Variants in GLYATL1 observed in about 807,000 individuals in gnomAD.
The protein encoded by GLYATL1 is glycine-N-acyltransferase like 1.
A neutral mutation model predicts 20.0 loss-of-function variants in GLYATL1; 15 were observed. The ratio of observed to expected loss-of-function variants is 0.75; its 90% CI spans 0.50 to 1.15. GLYATL1 has a LOEUF of 1.15. GLYATL1 is among the 50% of genes most tolerant of loss of function. The pLI, the probability that GLYATL1 is intolerant of heterozygous loss-of-function variation, is 0.00. For synonymous variants in GLYATL1, 151 were observed against 131.5 expected, an observed-to-expected ratio of 1.15 and a Z score of -1.01; for missense variants, 380 against 368.5, an observed-to-expected ratio of 1.03 and a Z score of -0.26.
intron 4 of GLYATL1, among the ~76,000 whole-genome samples, chr11:58,948,534 G>A (rs1856748123): frequency 6.6e-6 from 1 of 152,126 alleles, no homozygotes; most frequent in Non-Finnish European, 1.5e-5. Flanking sequence ...TAGCTACTCA[G>A]GAGGCTGAGG....
At chr11:58,927,049 G>C (rs1178907810), upstream of GLYATL1, among the ~76,000 whole-genome samples, 2 of 152,188 alleles carry the variant, frequency 1.3e-5, no homozygotes, top group Non-Finnish European at 2.9e-5. Flanking sequence ...TTCACCTTTT[G>C]AGAAGGGCAC....
downstream of GLYATL1, among the ~76,000 whole-genome samples, chr11:58,911,065 A>G (rs1352685283): frequency 6.6e-6 from 1 of 152,218 alleles, no homozygotes; most frequent in Non-Finnish European, 1.5e-5. Flanking sequence ...ATGTAAATGG[A>G]ACATAGACTG....
At chr11:58,909,396 A>G (rs578145479), downstream of GLYATL1, among the ~76,000 whole-genome samples, 1 of 152,332 alleles carries the variant, frequency 6.6e-6, no homozygotes, top group African/African-American at 2.4e-5. Flanking sequence ...TGTTCTTATT[A>G]CAAAAGTAAT....
chr11:58,955,261 G>T lies in GLYATL1; in HGVS notation c.399G>T (p.Leu133Phe), dbSNP rs144483137. The change falls in exon 6 of 7, where the codon TTG becomes TTT. Residue 133 changes from leucine (L) to phenylalanine (F), a missense_variant. Transcript: ENST00000532726. The stretch of plus-strand genomic sequence containing the variant: ...TAGAGCATTCGAGAGCACTCCTCTT[G>T]GTTACGGAAGATATTCTGAAGCTCA... ...VKVEHSRALL[L>F]VTEDILKLNA... 141 of 1,614,090 alleles carry T rather than the reference G, an allele frequency of 8.7e-5. No homozygotes were observed. The highest frequency in any genetic ancestry group is 3.2e-4 in the African/African-American group (24 of 75,038).
At chr11:58,937,272 G>A (rs1212387427), upstream of GLYATL1, among the ~76,000 whole-genome samples, 1 of 152,184 alleles carries the variant, frequency 6.6e-6, no homozygotes, top group African/African-American at 2.4e-5. Flanking sequence ...AATCACCAAA[G>A]CTCCTGAATT....
At chr11:58,947,292 G>C in intron 3 of GLYATL1, 127 bp downstream of exon 3, 1 of 1,291,998 alleles carries the variant, frequency 7.7e-7, no homozygotes, top group Admixed American at 2.8e-5. Context: ...GGATGGGACT[G>C]GGGGCACAGG....
At chr11:58,925,649 C>T (rs551785488), upstream of GLYATL1, among the ~76,000 whole-genome samples, 1 of 152,012 alleles carries the variant, frequency 6.6e-6, no homozygotes, top group Non-Finnish European at 1.5e-5. Flanking sequence ...TTATTTGGAC[C>T]ACACCATTTA....
At chr11:58,919,911 G>A (rs1033989059) in intron 1 of GLYATL1, among the ~76,000 whole-genome samples, 2 of 152,084 alleles carry the variant, frequency 1.3e-5, no homozygotes, top group African/African-American at 4.8e-5. Flanking sequence ...TCACAAACCT[G>A]GGGGCCACCA....
At chr11:58,925,652 A>T (rs1855410097), upstream of GLYATL1, among the ~76,000 whole-genome samples, 1 of 152,144 alleles carries the variant, frequency 6.6e-6, no homozygotes, top group African/African-American at 2.4e-5. Context: ...TTTGGACCAC[A>T]CCATTTATTA....
downstream of GLYATL1, among the ~76,000 whole-genome samples, chr11:58,909,341 A>T (rs1854984271): frequency 6.6e-6 from 1 of 152,144 alleles, no homozygotes; most frequent in Admixed American, 6.5e-5. Flanking sequence ...AGTTAACAAT[A>T]TTGTATACTT....
chr11:58,907,248 G>A (rs1184797665), exon 2 of GLYATL1: 6 of 456,234 alleles, frequency 1.3e-5, no homozygotes, highest in South Asian at 3.1e-5. Context: ...CAGGTCACCC[G>A]CCAGGTTTGT....
At chr11:58,920,462 C>A (rs1320739152) in intron 1 of GLYATL1, among the ~76,000 whole-genome samples, 3 of 152,174 alleles carry the variant, frequency 2.0e-5, no homozygotes, top group Non-Finnish European at 4.4e-5. Context: ...ACTACTGAGT[C>A]CAAAGTCACC....
rs538296899 is a variant in GLYATL1, at chr11:58,943,882, T to C, written c.-43+216T>C. Reference sequence around the variant, plus strand: ...GAAAGGAACTGGTAGTAAGCAGTAATGTTGCAGGAGTTATAAAATTTGGCT... The same window carrying C: ...GAAAGGAACTGGTAGTAAGCAGTAACGTTGCAGGAGTTATAAAATTTGGCT... On this transcript the variant is annotated intron_variant, in intron 2 of 6. Coordinates refer to ENST00000532726, the MANE Select transcript of GLYATL1 (RefSeq NM_001389712.2). 3.3e-5 allele frequency among the ~76,000 whole-genome samples: 5 copies of C among 152,272 alleles called. No homozygotes were observed. In the East Asian group the frequency reaches 9.6e-4, roughly 29 times the overall value.
chr11:58,922,154 A>G (rs78607162), intron 1 of GLYATL1, among the ~76,000 whole-genome samples: 6,254 of 152,288 alleles, frequency 0.041, 407 homozygotes, highest in African/African-American at 0.14. Context: ...ATGCCTGGGC[A>G]TCAACTGTGC....
At chr11:58,943,392 CT>C in intron 1 of GLYATL1, 150 bp from the exon 2 acceptor site, 1 of 1,535,044 alleles carries the variant, frequency 6.5e-7, no homozygotes, top group Non-Finnish European at 8.8e-7. Context: ...ATCACTTTAC[CT>C]TTTTTGTCTA....
chr11:58,945,025 AAT>A (rs1379912611), intron 2 of GLYATL1, among the ~76,000 whole-genome samples: 1 of 105,374 alleles, frequency 9.5e-6, no homozygotes, highest in Non-Finnish European at 1.9e-5. Context: ...ACATATATAA[AAT>A]ATATATATTA....
chr11:58,913,809 T>G (rs759923301), intron 1 of GLYATL1, among the ~76,000 whole-genome samples: 3 of 152,076 alleles, frequency 2.0e-5, no homozygotes, highest in Non-Finnish European at 4.4e-5. Context: ...TAGATGGAAA[T>G]ATATTGAGGA....
intron 1 of GLYATL1, among the ~76,000 whole-genome samples, chr11:58,913,712 A>T (rs909266322): frequency 2.6e-5 from 4 of 152,214 alleles, no homozygotes; most frequent in African/African-American, 4.8e-5. Flanking sequence ...GGAAAAGAGA[A>T]TGGAGGAGGC....
chr11:58,944,465 A>G (rs926849940), intron 2 of GLYATL1, among the ~76,000 whole-genome samples: 1 of 152,194 alleles, frequency 6.6e-6, no homozygotes, highest in African/African-American at 2.4e-5. Flanking sequence ...TTCTGTTTTC[A>G]TAATTCTCAT....
Sources: gnomAD v4.1 joint callset for allele counts (sites outside exome capture counted in the v4.1 genomes callset) on GRCh38, gnomAD v4.1.1 for gene constraint, MANE v1.5 for transcripts, NCBI Gene and HGNC (gene_info 2026-07-23, HGNC 2026-07-21) for gene names.